Variants in TIAM1 observed in about 807,000 individuals in gnomAD.
The protein encoded by TIAM1 is TIAM Rac1 associated GEF 1.
Under a neutral mutation model 163.5 loss-of-function variants are expected in TIAM1, and 65 were observed. That is an observed-to-expected ratio of 0.40 (90% CI 0.33 to 0.49). The LOEUF is 0.49. Among genes scored for constraint, TIAM1 ranks in the 20% least tolerant of loss-of-function variants. The probability of loss-of-function intolerance (pLI) is 0.77; values close to 1 mark genes in which losing one functional copy is unlikely to be tolerated. For missense variants in TIAM1, 1,789 were observed against 2,044.7 expected (o/e 0.87, Z 2.41); for synonymous variants, 833 against 810.1 (o/e 1.03, Z -0.48).
intron 1 of TIAM1, among the ~76,000 whole-genome samples, chr21:31,518,175 G>T (rs2047445377): frequency 6.6e-6 from 1 of 152,220 alleles, no homozygotes; most frequent in Admixed American, 6.5e-5. Flanking sequence ...CTCCCCTGGT[G>T]CCTTGGGTAT....
chr21:31,336,438 C>T (rs1418684728), intron 2 of TIAM1, among the ~76,000 whole-genome samples: 2 of 151,412 alleles, frequency 1.3e-5, no homozygotes, highest in Admixed American at 1.3e-4. Flanking sequence ...TGAAAATACA[C>T]ACACAGGCTC....
rs1036829251 is a variant in TIAM1, at chr21:31,469,252, T to C, written c.-421-5217A>G. On this transcript the variant is annotated intron_variant, in intron 1 of 28. Transcript: ENST00000286827. Reference sequence around the variant, plus strand: ...CAGGCACACGCCACCACACCATACCTGGCTAATCTGGGAAGCAGCAGGGGG... The same window carrying C: ...CAGGCACACGCCACCACACCATACCCGGCTAATCTGGGAAGCAGCAGGGGG... 5.9e-5 allele frequency among the ~76,000 whole-genome samples: 9 copies of C among 151,308 alleles called. No homozygotes were observed. In the South Asian group the frequency reaches 1.1e-3, roughly 18 times the overall value.
chr21:31,296,885 G>A (rs780586979), intron 2 of TIAM1, among the ~76,000 whole-genome samples: 5 of 152,242 alleles, frequency 3.3e-5, no homozygotes, highest in South Asian at 4.1e-4. Flanking sequence ...GGATGGTCTT[G>A]ATTTCCTGAC....
chr21:31,120,450 C>T lies in TIAM1; in HGVS notation c.4694G>A (p.Gly1565Asp), dbSNP rs756930640. ...GACTTCCTCGCTTGCGCTCTCCAGG[C>T]CTCCATTGATCCCCGACAGGGCAGC... ...KQAALSGING[G>D]LESASEEVIW... Residue 1565 changes from glycine to aspartate, a missense_variant, in exon 28 of 28, where the codon GGC becomes GAC. Gly to Asp is a moderately conservative substitution (Grantham distance 94). This residue lies in a region of TIAM1 where 415 missense variants were observed against 439.2 expected (regional missense o/e 0.94). Coordinates refer to ENST00000541036, the MANE Select transcript of TIAM1 (RefSeq NM_001353694.2). The surrounding 1 kb of genome is among the most constrained non-coding windows in gnomAD (Gnocchi z 4.2). 6.2e-7 allele frequency: 1 copy of T among 1,614,220 alleles called. No homozygotes were observed. The highest frequency in any genetic ancestry group is 8.5e-7 in the Non-Finnish European group (1 of 1,180,042).
chr21:31,213,092 G>T (rs1465801138), intron 10 of TIAM1: 1 of 290,714 alleles, frequency 3.4e-6, no homozygotes, highest in Non-Finnish European at 6.3e-6. Context: ...AAAGAAATTG[G>T]CAATGGCATA....
intron 26 of TIAM1, among the ~76,000 whole-genome samples, chr21:31,125,493 T>C (rs2082162821): frequency 6.6e-6 from 1 of 152,252 alleles, no homozygotes; most frequent in African/African-American, 2.4e-5. Context: ...CTGCCTTTTG[T>C]TGACCTCTGT....
chr21:31,132,550 C>T (rs1214126883), intron 23 of TIAM1, among the ~76,000 whole-genome samples: 1 of 152,162 alleles, frequency 6.6e-6, no homozygotes, highest in Non-Finnish European at 1.5e-5. Context: ...AATGAAAGAG[C>T]TCTACCCCAA....
chr21:31,352,958 C>G (rs1243054087), intron 2 of TIAM1, among the ~76,000 whole-genome samples: 2 of 151,870 alleles, frequency 1.3e-5, no homozygotes, highest in East Asian at 3.9e-4. Flanking sequence ...TAAGCCAACT[C>G]TTCCTGTCAT....
chr21:31,188,903 C>A (rs2085422238), intron 13 of TIAM1, among the ~76,000 whole-genome samples: 1 of 151,868 alleles, frequency 6.6e-6, no homozygotes, highest in African/African-American at 2.4e-5. Context: ...AAAATTAGCA[C>A]CCCTGTGGGG....
At chr21:31,431,348 A>C (rs1041173472) in intron 2 of TIAM1, among the ~76,000 whole-genome samples, 1 of 152,132 alleles carries the variant, frequency 6.6e-6, no homozygotes, top group Admixed American at 6.5e-5. Context: ...CTATACCCCT[A>C]GAATTTCTGA....
At chr21:31,485,274 C>G (rs182495636) in intron 1 of TIAM1, among the ~76,000 whole-genome samples, 1 of 152,262 alleles carries the variant, frequency 6.6e-6, no homozygotes, top group Admixed American at 6.5e-5. Context: ...CAACTGGTCC[C>G]CAGAAAGGAG....
intron 2 of TIAM1, among the ~76,000 whole-genome samples, chr21:31,298,037 C>A (rs575793723): frequency 6.6e-5 from 10 of 152,284 alleles, no homozygotes; most frequent in African/African-American, 2.2e-4. Context: ...ATCTAATCAT[C>A]ACAGCCACCT....
At chr21:31,179,999 G>A (rs183614893) in intron 15 of TIAM1, among the ~76,000 whole-genome samples, 4 of 148,724 alleles carry the variant, frequency 2.7e-5, no homozygotes, top group African/African-American at 7.5e-5. Context: ...TCTGCCTCCC[G>A]GGTTCAAGCG....
chr21:31,326,170 A>G (rs1438271298), intron 2 of TIAM1, among the ~76,000 whole-genome samples: 4 of 151,876 alleles, frequency 2.6e-5, no homozygotes, highest in Admixed American at 6.6e-5. Flanking sequence ...TATTAATGAC[A>G]TGTCCTGATT....
At chr21:31,362,451 T>TATTA (rs1320345410) in intron 2 of TIAM1, among the ~76,000 whole-genome samples, 2 of 145,034 alleles carry the variant, frequency 1.4e-5, no homozygotes, top group Non-Finnish European at 3.0e-5. Flanking sequence ...TGACAATTAT[T>TATTA]ATTATTATTA....
rs1239241991 is a variant in TIAM1 at position 31,118,508 on chromosome 21, AAAAG to A, written c.*1856_*1859del. ...AAAAATAGACCTTCTTTCAGCTTATAAAAGAAATATATAAGAACTTTTGACATAG... is the reference window on the plus strand; with the variant it reads ...AAAAATAGACCTTCTTTCAGCTTATAAAATATATAAGAACTTTTGACATAG... On this transcript the variant is annotated 3_prime_UTR_variant, in exon 28 of 28. Transcript: ENST00000541036. 3 of 451,486 alleles carry A rather than the reference AAAAG, an allele frequency of 6.6e-6. No individual in the cohort carries two copies. Among genetic ancestry groups the A allele is most frequent in the East Asian group, 7.0e-5 (1 of 14,288 alleles). 28.0% of individuals were successfully genotyped at this position (451,486 alleles called of 1,614,324 possible). A position where few individuals can be genotyped will look rare whatever the true frequency, so the allele number is the denominator to read the frequency against.
At chr21:31,535,948 G>T (rs572731664) in intron 1 of TIAM1, among the ~76,000 whole-genome samples, 3 of 152,296 alleles carry the variant, frequency 2.0e-5, no homozygotes, top group African/African-American at 4.8e-5. Flanking sequence ...AGAATTAGAG[G>T]CACGCCAACA....
intron 2 of TIAM1, among the ~76,000 whole-genome samples, chr21:31,297,772 C>T (rs2074343394): frequency 1.3e-5 from 2 of 152,056 alleles, no homozygotes; most frequent in Non-Finnish European, 2.9e-5. Context: ...TTTTGAGACC[C>T]CAAAAATATG....
rs58560437 is a variant in TIAM1, at chr21:31,315,679, CAAAAAAAAAAA to C, written c.-189+23553_-189+23563del. 5.0e-5 allele frequency among the ~76,000 whole-genome samples: 4 copies of C among 80,250 alleles called. 1 individual carries two copies. The highest frequency in any genetic ancestry group is 9.0e-5 in the African/African-American group (2 of 22,322). 52.6% of individuals were successfully genotyped at this position (80,250 alleles called of 152,430 possible). On this transcript the variant is annotated intron_variant, in intron 2 of 27. Coordinates refer to ENST00000541036, the MANE Select transcript of TIAM1 (RefSeq NM_001353694.2). Reference sequence around the variant, plus strand: ...GGGCAACAAGAGCAAAACTCCATCTCAAAAAAAAAAAAAAAAAAAAGGACAGGCGCAGTGGC... The same window carrying C: ...GGGCAACAAGAGCAAAACTCCATCTCAAAAAAAAAGGACAGGCGCAGTGGC...
Sources: gnomAD v4.1 joint callset for allele counts (sites outside exome capture counted in the v4.1 genomes callset) on GRCh38, gnomAD v4.1.1 for gene constraint, gnomAD v4.1.1 regional missense constraint, Gnocchi (gnomAD v3.1) non-coding constraint, MANE v1.5 for transcripts, NCBI Gene and HGNC (gene_info 2026-07-23, HGNC 2026-07-21) for gene names.